Variants in MECOM observed in about 807,000 individuals in gnomAD.
MECOM encodes histone-lysine N-methyltransferase MECOM.
A neutral mutation model predicts 116.3 loss-of-function variants in MECOM; 13 were observed. The observed-to-expected ratio is 0.11, with a 90% CI of 0.07 to 0.18. MECOM has a LOEUF of 0.18. Ranked by LOEUF, MECOM falls within the 10% of genes least tolerant of loss-of-function variation. The pLI is 1.00. For missense variants in MECOM, 1,299 were observed against 1,509.0 expected (o/e 0.86, Z 2.31); for synonymous variants, 528 against 535.2 (o/e 0.99, Z 0.19).
intron 1 of MECOM, among the ~76,000 whole-genome samples, chr3:169,524,307 G>A (rs2109102370): frequency 6.6e-6 from 1 of 151,954 alleles, no homozygotes; most frequent in Admixed American, 6.5e-5. Flanking sequence ...CTGTGTTAAA[G>A]AGTTGCGAAA....
intron 1 of MECOM, among the ~76,000 whole-genome samples, chr3:169,654,085 A>G (rs1018939684): frequency 5.9e-5 from 9 of 152,226 alleles, no homozygotes; most frequent in African/African-American, 1.2e-4. Context: ...ATCCGATGAT[A>G]TTCCCAACAA....
chr3:169,627,884 G>C (rs1771574161), intron 1 of MECOM, among the ~76,000 whole-genome samples: 1 of 152,214 alleles, frequency 6.6e-6, no homozygotes. Context: ...TGAGCAAGTG[G>C]ATAAAGCTGC....
Position 169,378,516 on chromosome 3 carries a change from A to AGCG in MECOM, c.375+2670_375+2671insCGC, listed in dbSNP as rs1422715779. Among the ~76,000 whole-genome samples, 110 of 19,590 alleles carry AGCG rather than the reference A, an allele frequency of 5.6e-3. 12 individuals are homozygous for AGCG. Among genetic ancestry groups the AGCG allele is most frequent in the Non-Finnish European group, 7.4e-3 (77 of 10,406 alleles). The allele number at this position is 19,590 out of a possible 152,430, so 12.9% of individuals were successfully genotyped here. ...AAGAAAGAAAGAAAGAAAGAAAGAA[A>AGCG]AGAAAGAAAGAAAGAAAGAAAGAAA... On this transcript the variant is annotated intron_variant, in intron 2 of 16. Coordinates refer to ENST00000651503, the MANE Select transcript of MECOM (RefSeq NM_004991.4).
intron 1 of MECOM, among the ~76,000 whole-genome samples, chr3:169,404,077 ACT>A (rs1414612406): frequency 6.6e-6 from 1 of 151,908 alleles, no homozygotes; most frequent in Non-Finnish European, 1.5e-5. Flanking sequence ...CTCACAGAGG[ACT>A]CTCTGGCAGT....
chr3:169,337,135 A>C (rs1482278972), intron 2 of MECOM, among the ~76,000 whole-genome samples: 2 of 152,184 alleles, frequency 1.3e-5, no homozygotes, highest in Non-Finnish European at 2.9e-5. Context: ...TCACTGCTTA[A>C]TTTAGAAGTT....
intron 2 of MECOM, among the ~76,000 whole-genome samples, chr3:169,268,895 AG>A (rs1167968319): frequency 8.6e-5 from 13 of 151,994 alleles, no homozygotes; most frequent in Non-Finnish European, 1.8e-4. Flanking sequence ...AGGTGGGGAG[AG>A]GGAATTGAGG....
At chr3:169,530,912 G>T (rs1313360367) in intron 1 of MECOM, among the ~76,000 whole-genome samples, 1 of 148,812 alleles carries the variant, frequency 6.7e-6, no homozygotes, top group Non-Finnish European at 1.5e-5. Flanking sequence ...AAAAAAAAAT[G>T]ATTTCAAATA....
At chr3:169,333,419 C>A (rs1723071815) in intron 2 of MECOM, among the ~76,000 whole-genome samples, 2 of 152,058 alleles carry the variant, frequency 1.3e-5, no homozygotes, top group South Asian at 4.2e-4. Context: ...TAATTACCCA[C>A]AATAAACATT....
intron 2 of MECOM, among the ~76,000 whole-genome samples, chr3:169,253,897 T>A (rs1220173351): frequency 6.6e-6 from 1 of 152,184 alleles, no homozygotes; most frequent in East Asian, 1.9e-4. Flanking sequence ...TTCATTCTTA[T>A]TAGATTAAAT....
chr3:169,206,734 A>T (rs1180519883), intron 2 of MECOM, among the ~76,000 whole-genome samples: 3 of 149,228 alleles, frequency 2.0e-5, no homozygotes, highest in Non-Finnish European at 4.4e-5. Context: ...CATGGGCGAC[A>T]AGAATGAGAC....
chr3:169,088,925 C>T (rs539030257), intron 16 of MECOM, 75 bp downstream of exon 16: 1 of 1,252,454 alleles, frequency 8.0e-7, no homozygotes, highest in Admixed American at 3.0e-5. Context: ...AGAATATTTG[C>T]TTTTTGGTAA....
chr3:169,145,081 G>C, intron 2 of MECOM: 1 of 1,507,208 alleles, frequency 6.6e-7, no homozygotes, highest in East Asian at 2.5e-5. Flanking sequence ...GGAAATTGAA[G>C]GGCAATAAGT....
chr3:169,498,488 G>C (rs1221552996), intron 1 of MECOM, among the ~76,000 whole-genome samples: 1 of 152,148 alleles, frequency 6.6e-6, no homozygotes, highest in African/African-American at 2.4e-5. Context: ...GTAGGTTTTG[G>C]GTTTCAGTGT....
chr3:169,388,464 G>A (rs939900532), intron 1 of MECOM, among the ~76,000 whole-genome samples: 7 of 152,178 alleles, frequency 4.6e-5, no homozygotes, highest in Admixed American at 6.5e-5. Context: ...AATCTTCTAT[G>A]AGAATGGCCC....
intron 1 of MECOM, among the ~76,000 whole-genome samples, chr3:169,536,075 G>T (rs1409195950): frequency 6.6e-6 from 1 of 152,068 alleles, no homozygotes; most frequent in Non-Finnish European, 1.5e-5. Context: ...CCACCTTCTG[G>T]TACCATAACA....
intron 2 of MECOM, among the ~76,000 whole-genome samples, chr3:169,243,713 A>G (rs1415407618): frequency 5.3e-5 from 8 of 152,154 alleles, no homozygotes; most frequent in Non-Finnish European, 1.2e-4. Flanking sequence ...ACCTGCCAAT[A>G]TCAGTGAAAG....
intron 2 of MECOM, among the ~76,000 whole-genome samples, chr3:169,228,807 G>A (rs1319010333): frequency 6.6e-6 from 1 of 152,174 alleles, no homozygotes; most frequent in Non-Finnish European, 1.5e-5. Context: ...CTGTTCTGGA[G>A]TTAGAAGGAT....
chr3:169,567,503 T>A (rs1189066600), intron 1 of MECOM, among the ~76,000 whole-genome samples: 1 of 152,176 alleles, frequency 6.6e-6, no homozygotes, highest in Non-Finnish European at 1.5e-5. Context: ...TTGCCCTGAA[T>A]AGGAGAAAAC....
intron 1 of MECOM, among the ~76,000 whole-genome samples, chr3:169,649,976 C>T (rs1774684667): frequency 6.6e-6 from 1 of 152,210 alleles, no homozygotes; most frequent in Non-Finnish European, 1.5e-5. Context: ...TTGTAACCTT[C>T]TGTGTAAAGG....
Sources: allele counts gnomAD v4.1 joint callset (sites outside exome capture counted in the v4.1 genomes callset), GRCh38; gene constraint gnomAD v4.1.1; transcripts MANE v1.5; gene names NCBI Gene and HGNC (gene_info 2026-07-23, HGNC 2026-07-21).